The following ERCC2 variants were observed in gnomAD, a reference collection of about 807,000 sequenced individuals.
ERCC2 encodes ERCC excision repair 2, TFIIH core complex helicase subunit.
ERCC2 carries 90 observed loss-of-function variants against 99.4 expected under a neutral mutation model. That is an observed-to-expected ratio of 0.91 (90% CI 0.76 to 1.08). The LOEUF is 1.08. Among genes scored for constraint, ERCC2 ranks in the 50% least tolerant of loss-of-function variants. The probability of loss-of-function intolerance (pLI) is 0.00; values close to 1 mark genes in which losing one functional copy is unlikely to be tolerated. For synonymous variants in ERCC2, 497 were observed against 432.4 expected (o/e 1.15, Z -1.85); for missense variants, 993 against 1,038.1 (o/e 0.96, Z 0.60).
At chr19:45,364,791 C>G (rs771309670) in intron 7 of ERCC2, 47 bp downstream of exon 7, 1 of 1,466,464 alleles carries the variant, frequency 6.8e-7, no homozygotes, top group Non-Finnish European at 9.6e-7. Flanking sequence ...GGCGGGCAGC[C>G]CACACCCTCA....
intron 12 of ERCC2, 184 bp from the exon 13 acceptor site, chr19:45,357,883 C>T (rs1215773099): frequency 1.1e-5 from 7 of 650,870 alleles, no homozygotes; most frequent in South Asian, 1.7e-5. Context: ...AAATACACCC[C>T]AACCTGTCCG....
Position 45,365,156 on chromosome 19 carries a change from C to CA in ERCC2, c.362dup (p.Thr122AspfsTer28), listed in dbSNP as rs1235040517. 12 of 1,613,538 alleles carry CA rather than the reference C, an allele frequency of 7.4e-6. No individual in the cohort carries two copies. The highest frequency in any genetic ancestry group is 9.3e-6 in the Non-Finnish European group (11 of 1,179,568). On this transcript the variant is annotated frameshift_variant and splice_region_variant, in exon 6 of 23. Transcript: ENST00000391945. LOFTEE classifies it high-confidence loss of function. ...CGTCCTTCCCAAAGCGCAGGGGTGTCACCTGGGGGTGTGGGGCATCTTAGC... is the reference window on the plus strand; with the variant it reads ...CGTCCTTCCCAAAGCGCAGGGGTGTCAACCTGGGGGTGTGGGGCATCTTAGC...
At chr19:45,358,079 G>A (rs1041215984) in intron 12 of ERCC2, 4 of 358,458 alleles carry the variant, frequency 1.1e-5, no homozygotes, top group African/African-American at 4.2e-5. Context: ...GGAGCCTCGC[G>A]CTGTCGCCCA....
intron 7 of ERCC2, 60 bp downstream of exon 7, chr19:45,364,778 A>C: frequency 7.3e-7 from 1 of 1,369,720 alleles, no homozygotes; most frequent in East Asian, 2.3e-5. Context: ...CAGACAGGAG[A>C]CGGGCGGGCA....
At chr19:45,361,129 C>CAA (rs534908305) in intron 12 of ERCC2, among the ~76,000 whole-genome samples, 7 of 112,422 alleles carry the variant, frequency 6.2e-5, no homozygotes, top group South Asian at 2.8e-4. Context: ...GACTCCGTCT[C>CAA]AAAAAAAAAA....
chr19:45,364,490 C>T lies in ERCC2; in HGVS notation c.652G>A (p.Ala218Thr). The T allele has an allele frequency of 2.5e-6, 4 of 1,613,982 alleles. No individual in the cohort carries two copies. Among genetic ancestry groups the T allele is most frequent in the Non-Finnish European group, 3.4e-6 (4 of 1,180,002 alleles). ...SYHYLLDPKIADLVSKELARK... is the reference protein window; with the variant it reads ...SYHYLLDPKITDLVSKELARK... ...GCCAGTTCCTTGGACACCAGGTCTGCAATCTTGGGGTCCAGGAGGTAGTGG... is the reference window on the plus strand; with the variant it reads ...GCCAGTTCCTTGGACACCAGGTCTGTAATCTTGGGGTCCAGGAGGTAGTGG... Residue 218 changes from alanine to threonine, a missense_variant, in exon 8 of 23, where the codon GCA becomes ACA. By Grantham distance (58) the Ala-to-Thr change is moderately conservative (BLOSUM62 0). Around this residue, in one of 3 missense-constraint regions of ERCC2, gnomAD observed 909 missense variants for 930.8 expected, o/e 0.98. Coordinates refer to ENST00000391945, the MANE Select transcript of ERCC2 (RefSeq NM_000400.4).
chr19:45,368,947 C>T lies in ERCC2; in HGVS notation c.229G>A (p.Val77Met), dbSNP rs866646197. The T allele has an allele frequency of 6.2e-7, 1 of 1,614,202 alleles. No individual in the cohort carries two copies. The highest frequency in any genetic ancestry group is 8.5e-7 in the Non-Finnish European group (1 of 1,180,042). The change falls in exon 4 of 23, where the codon GTG (valine) becomes ATG (methionine). Residue 77 changes from valine to methionine, a missense_variant. Val to Met is a conservative substitution (Grantham distance 21, BLOSUM62 1). Coordinates refer to ENST00000391945, the MANE Select transcript of ERCC2 (RefSeq NM_000400.4). ...CAGCTTACCTTCTCAATCTCTGGCA[C>T]AGTTCTTGAGCAGTAGATGAGTTTG... Reference protein sequence around the residue: ...VTKLIYCSRTVPEIEKVIEEL... With the variant: ...VTKLIYCSRTMPEIEKVIEEL...
At position 45,351,451 on chromosome 19, in the gene ERCC2, C is replaced by G. The variant is rs886420131; in HGVS notation, c.*178G>C. The G allele has an allele frequency of 4.4e-6, 7 of 1,583,494 alleles. No homozygotes were observed. The highest frequency in any genetic ancestry group is 4.5e-5 in the East Asian group (2 of 44,636). On this transcript the variant is annotated 3_prime_UTR_variant, in exon 23 of 23. Transcript: ENST00000391945. ...AGGGGGTCTATCATCTCCTGGCCCC[C>G]CCTTGCCTCTGGGTACCTGGTGGAT...
chr19:45,351,783 G>T, intron 22 of ERCC2, 62 bp from the exon 23 acceptor site: 1 of 1,489,612 alleles, frequency 6.7e-7, no homozygotes. Flanking sequence ...GGCAGCTGCT[G>T]CACTTCCCCA....
rs746002679 is a variant in ERCC2 at position 45,355,223 on chromosome 19, G to A, written c.1544-372C>T. ...AATACAAAAATTAGCCCAGCGTGGCGGCAGAGGCCTGTAATCCCAGCTACT... is the reference window on the plus strand; with the variant it reads ...AATACAAAAATTAGCCCAGCGTGGCAGCAGAGGCCTGTAATCCCAGCTACT... On this transcript the variant is annotated intron_variant, in intron 16 of 22. Coordinates refer to ENST00000391945, the MANE Select transcript of ERCC2 (RefSeq NM_000400.4). 8.7e-4 allele frequency among the ~76,000 whole-genome samples: 132 copies of A among 152,312 alleles called. 1 individual carries two copies. The highest frequency in any genetic ancestry group is 3.8e-4 in the Non-Finnish European group (26 of 68,022).
Position 45,364,311 on chromosome 19 carries a change from T to G in ERCC2, c.739A>C (p.Met247Leu). The change falls in exon 9 of 23, where the codon ATG becomes CTG. Residue 247 changes from methionine to leucine, a missense_variant. Physicochemically the swap from Met to Leu is conservative, Grantham distance 15 (BLOSUM62 2). Around this residue, in one of 3 missense-constraint regions of ERCC2, gnomAD observed 909 missense variants for 930.8 expected, o/e 0.98. Coordinates refer to ENST00000391945, the MANE Select transcript of ERCC2 (RefSeq NM_000400.4). ...HNIDNVCIDS[M>L]SVNLTRRTLD... Reference sequence around the variant, plus strand: ...GTCCGGCGGGTGAGGTTGACGCTCATGGAGTCGATGCAGACGTTGTCTGGA... The same window carrying G: ...GTCCGGCGGGTGAGGTTGACGCTCAGGGAGTCGATGCAGACGTTGTCTGGA... 2 of 1,613,948 alleles carry G rather than the reference T, an allele frequency of 1.2e-6. No homozygotes were observed. The highest frequency in any genetic ancestry group is 1.7e-6 in the Non-Finnish European group (2 of 1,179,978).
chr19:45,370,239 G>A lies in ERCC2; in HGVS notation c.6-7C>T, dbSNP rs764702051. 1.1e-5 allele frequency: 17 copies of A among 1,612,802 alleles called. No homozygotes were observed. The South Asian group carries it at 1.1e-4, about 10-fold the overall frequency. Reference sequence around the variant, plus strand: ...GAGCCCGTCCACGTTGAGCCTGGCGGCAGGGGCTGCTGGGTCAGTTCCCGT... The same window carrying A: ...GAGCCCGTCCACGTTGAGCCTGGCGACAGGGGCTGCTGGGTCAGTTCCCGT... On this transcript the variant is annotated splice_polypyrimidine_tract_variant and splice_region_variant and intron_variant, in intron 1 of 22. Coordinates refer to ENST00000391945, the MANE Select transcript of ERCC2 (RefSeq NM_000400.4).
In ERCC2 at chr19:45,351,271, T is replaced by C. The variant is rs1971757925; in HGVS notation, c.*358A>G. ...CCTCACCTCCCCTCCAACCATCCCC[T>C]GTGCCTGTCTCCAGTTTCCCAGCTG... On this transcript the variant is annotated 3_prime_UTR_variant, in exon 23 of 23. Transcript: ENST00000391945. 3.7e-6 allele frequency: 6 copies of C among 1,611,746 alleles called. No individual in the cohort carries two copies. In the East Asian group the frequency reaches 6.7e-5, roughly 18 times the overall value.
intron 11 of ERCC2, among the ~76,000 whole-genome samples, chr19:45,362,656 G>A (rs1972265950): frequency 6.6e-6 from 1 of 152,230 alleles, no homozygotes; most frequent in Non-Finnish European, 1.5e-5. Context: ...CCCTCCACTG[G>A]GCCATGGAGC....
chr19:45,368,666 A>G lies in ERCC2; in HGVS notation c.324T>C (p.Ala108=), dbSNP rs904303845. The change falls in exon 5 of 23, where the codon GCT becomes GCC. Residue 108 remains alanine, a synonymous_variant. Transcript: ENST00000391945. The part of the protein sequence containing the change: ...EGEKLPFLGL[A]LSSRKNLCIH... ...TACACAAGTTTTTGCGGGAGCTCAG[A>G]GCCAGTCCCAGAAACGGCAGCTTCT... The G allele has an allele frequency of 6.2e-7, 1 of 1,614,136 alleles. No individual in the cohort carries two copies. Among genetic ancestry groups the G allele is most frequent in the Middle Eastern group, 1.6e-4 (1 of 6,062 alleles).
Position 45,353,317 on chromosome 19 carries a change from G to A in ERCC2, c.1683C>T (p.Ile561=). 3.1e-6 allele frequency: 5 copies of A among 1,613,884 alleles called. No individual in the cohort carries two copies. Among genetic ancestry groups the A allele is most frequent in the Non-Finnish European group, 4.2e-6 (5 of 1,179,892 alleles). The part of the protein sequence containing the change: ...SWYEQGILEN[I]QRNKLLFIET... ...CAATAAAGAGCAGCTTGTTCCTCTG[G>A]ATGTTCTCAAGGATCCCCTGGGGAA... The change falls in exon 18 of 23, where the codon ATC becomes ATT. Residue 561 remains isoleucine (I), a synonymous_variant. Transcript: ENST00000391945.
chr19:45,353,555 C>T (rs948131084), intron 17 of ERCC2, among the ~76,000 whole-genome samples: 2 of 152,122 alleles, frequency 1.3e-5, no homozygotes, highest in African/African-American at 4.8e-5. Flanking sequence ...AGGCATGTGG[C>T]CCAAGCGGGT....
Position 45,361,582 on chromosome 19 carries a change from G to A in ERCC2, c.1179C>T (p.Asp393=). 6.2e-7 allele frequency: 1 copy of A among 1,614,096 alleles called. No homozygotes were observed. Among genetic ancestry groups the A allele is most frequent in the South Asian group, 1.1e-5 (1 of 91,084 alleles). The part of the protein sequence containing the change: ...LHTLEITDLA[D]FSPLTLLANF... Reference sequence around the variant, plus strand: ...TAGCAAGGAGGGTGAGCGGGGAGAAGTCAGCAAGGTCGGTGATCTCCAGAG... The same window carrying A: ...TAGCAAGGAGGGTGAGCGGGGAGAAATCAGCAAGGTCGGTGATCTCCAGAG... Residue 393 remains aspartate (D), a synonymous_variant, in exon 12 of 23, where the codon GAC becomes GAT. Transcript: ENST00000391945.
chr19:45,361,936 T>A (rs1023577153), intron 11 of ERCC2: 3 of 299,122 alleles, frequency 1.0e-5, no homozygotes, highest in Non-Finnish European at 2.0e-5. Context: ...TTTTTTTCTT[T>A]TTCTTTTTTT....
Sources: allele counts gnomAD v4.1 joint callset (sites outside exome capture counted in the v4.1 genomes callset), GRCh38; gene constraint gnomAD v4.1.1; regional missense constraint gnomAD v4.1.1; transcripts MANE v1.5; gene names NCBI Gene and HGNC (gene_info 2026-07-23, HGNC 2026-07-21).